Variants in CDH1 observed in about 807,000 individuals in gnomAD.
The protein encoded by CDH1 is cadherin 1, also known as cadherin-1.
A neutral mutation model predicts 84.5 loss-of-function variants in CDH1; 35 were observed. The ratio of observed to expected loss-of-function variants is 0.41; its 90% CI spans 0.32 to 0.55. The LOEUF is 0.55. CDH1 is among the 20% of genes least tolerant of loss of function. The pLI is 0.19. For missense variants in CDH1, 994 were observed against 1,126.6 expected (o/e 0.88, Z 1.68); for synonymous variants, 417 against 439.0 (o/e 0.95, Z 0.63).
At chr16:68,824,981 C>G (rs1307316088) in intron 13 of CDH1, among the ~76,000 whole-genome samples, 1 of 152,072 alleles carries the variant, frequency 6.6e-6, no homozygotes, top group East Asian at 1.9e-4. Flanking sequence ...AAACCTTTGA[C>G]CTGGTATGGT....
chr16:68,745,533 CAAA>C (rs67825283), intron 2 of CDH1, among the ~76,000 whole-genome samples: 26 of 40,426 alleles, frequency 6.4e-4, no homozygotes, highest in African/African-American at 1.3e-3. Context: ...GATCCTGTCT[CAAA>C]AAAAAAAAAA....
rs757461540 is a variant in CDH1, at chr16:68,812,103, G to A, written c.1009-32G>A. ...AGGCCAAAGGTGGCTAGTGTTCCTG[G>A]TCCTGACTTGGTTGTGTCGATCTCT... is the stretch of plus-strand genomic sequence containing the variant. On this transcript the variant is annotated intron_variant, in intron 7 of 15. Transcript: ENST00000261769. 5.6e-6 allele frequency: 9 copies of A among 1,613,906 alleles called. No individual in the cohort carries two copies. The Admixed American group carries it at 8.3e-5, about 15-fold the overall frequency.
intron 2 of CDH1, among the ~76,000 whole-genome samples, chr16:68,763,959 A>T (rs995421196): frequency 6.6e-6 from 1 of 152,180 alleles, no homozygotes; most frequent in Non-Finnish European, 1.5e-5. Context: ...GCAGGTTTCC[A>T]AACCTGGGCC....
rs1961561638 is a variant in CDH1, at chr16:68,833,784, C to A, written c.*285C>A. 1 of 464,558 alleles carries A rather than the reference C, an allele frequency of 2.2e-6. No homozygotes were observed. Among genetic ancestry groups the A allele is most frequent in the Non-Finnish European group, 3.9e-6 (1 of 254,764 alleles). The allele number at this position is 464,558 out of a possible 1,614,324, so 28.8% of individuals were successfully genotyped here. On this transcript the variant is annotated 3_prime_UTR_variant, in exon 16 of 16. Transcript: ENST00000261769. ...CCCAAATTTTAATATTCCAGAAGAA[C>A]AACTTTAGCATCAGAAGGTTCACCC...
At chr16:68,780,836 G>A (rs1044435704) in intron 2 of CDH1, among the ~76,000 whole-genome samples, 1 of 152,210 alleles carries the variant, frequency 6.6e-6, no homozygotes, top group African/African-American at 2.4e-5. Flanking sequence ...GTCAGAAGTA[G>A]CTGAGGCCTC....
chr16:68,738,359 C>T lies in CDH1; in HGVS notation c.111C>T (p.Tyr37=), dbSNP rs876660002. The stretch of plus-strand genomic sequence containing the variant: ...ACCCTGGCTTTGACGCCGAGAGCTA[C>T]ACGTTCACGGTGCCCCGGCGCCACC... The part of the protein sequence containing the change: ...PCHPGFDAES[Y]TFTVPRRHLE... Residue 37 remains tyrosine, a synonymous_variant, in exon 2 of 16, where the codon TAC becomes TAT. Transcript: ENST00000261769. 6.4e-7 allele frequency: 1 copy of T among 1,551,142 alleles called. No homozygotes were observed. The highest frequency in any genetic ancestry group is 8.7e-7 in the Non-Finnish European group (1 of 1,146,790).
intron 2 of CDH1, among the ~76,000 whole-genome samples, chr16:68,796,473 G>A (rs553059734): frequency 2.0e-5 from 3 of 152,294 alleles, no homozygotes; most frequent in Non-Finnish European, 2.9e-5. Context: ...CCAGGCGGGC[G>A]TGGGAGAAGA....
At chr16:68,789,802 G>A (rs963365639) in intron 2 of CDH1, among the ~76,000 whole-genome samples, 3 of 152,188 alleles carry the variant, frequency 2.0e-5, no homozygotes, top group Non-Finnish European at 4.4e-5. Context: ...GCTCATGCCT[G>A]TAATCCCAGC....
chr16:68,813,181 C>A, intron 8 of CDH1, 132 bp from the exon 9 acceptor site: 2 of 921,746 alleles, frequency 2.2e-6, no homozygotes, highest in Non-Finnish European at 3.5e-6. Context: ...CGCTCAAATA[C>A]ACTCCAGCCT....
At chr16:68,831,516 C>G (rs966803326) in intron 15 of CDH1, among the ~76,000 whole-genome samples, 57 of 149,036 alleles carry the variant, frequency 3.8e-4, no homozygotes, top group African/African-American at 1.3e-3. Flanking sequence ...TTTAACCATG[C>G]CTTTTATTTA....
chr16:68,759,215 A>C (rs1597855356), intron 2 of CDH1, among the ~76,000 whole-genome samples: 1 of 151,922 alleles, frequency 6.6e-6, no homozygotes, highest in Middle Eastern at 3.4e-3. Flanking sequence ...TGGTGGGATT[A>C]CAGGGGGCAC....
At chr16:68,750,332 T>C (rs1962857165) in intron 2 of CDH1, among the ~76,000 whole-genome samples, 1 of 151,692 alleles carries the variant, frequency 6.6e-6, no homozygotes, top group African/African-American at 2.4e-5. Flanking sequence ...GACTTGGGAG[T>C]GTAGGGACAG....
intron 2 of CDH1, among the ~76,000 whole-genome samples, chr16:68,767,441 A>G (rs1383660612): frequency 2.0e-5 from 3 of 151,544 alleles, no homozygotes; most frequent in Admixed American, 6.6e-5. Context: ...CAGGTAATTC[A>G]CCCACCTCAG....
intron 11 of CDH1, among the ~76,000 whole-genome samples, chr16:68,821,779 A>T (rs1318918255): frequency 6.6e-6 from 1 of 152,188 alleles, no homozygotes; most frequent in Non-Finnish European, 1.5e-5. Context: ...AATAATTGTT[A>T]TCAAGGTGGG....
At chr16:68,754,778 G>A (rs1354637547) in intron 2 of CDH1, among the ~76,000 whole-genome samples, 1 of 152,214 alleles carries the variant, frequency 6.6e-6, no homozygotes, top group Non-Finnish European at 1.5e-5. Flanking sequence ...CATTGGGGAT[G>A]CAGCGGGGCC....
chr16:68,750,363 T>G (rs1463201561), intron 2 of CDH1, among the ~76,000 whole-genome samples: 1 of 151,800 alleles, frequency 6.6e-6, no homozygotes, highest in Non-Finnish European at 1.5e-5. Context: ...TTAAAGAAAC[T>G]CTTGTTCCAA....
intron 2 of CDH1, among the ~76,000 whole-genome samples, chr16:68,738,936 CTTTTTTTTT>C (rs1555509828): frequency 0.016 from 183 of 11,438 alleles, 9 homozygotes; most frequent in African/African-American, 0.037. Flanking sequence ...GATATAAAAG[CTTTTTTTTT>C]TTTTTTTTTT....
intron 12 of CDH1, chr16:68,823,062 C>T: frequency 3.3e-6 from 1 of 299,718 alleles, no homozygotes; most frequent in Middle Eastern, 1.2e-3. Flanking sequence ...GGCCTCCAGG[C>T]CGGGCTGGGC....
Position 68,813,381 on chromosome 16 carries a change from T to C in CDH1, c.1206T>C (p.Asp402=). ...CCACACTGAAAGTGACTGATGCTGA[T>C]GCCCCCAATACCCCAGCGTGGGAGG... ...VITTLKVTDA[D]APNTPAWEAV... Residue 402 remains aspartate (D), a synonymous_variant, in exon 9 of 16, where the codon GAT becomes GAC. Coordinates refer to ENST00000261769, the MANE Select transcript of CDH1 (RefSeq NM_004360.5). 1.2e-6 allele frequency: 2 copies of C among 1,614,164 alleles called. No individual in the cohort carries two copies. The highest frequency in any genetic ancestry group is 1.7e-6 in the Non-Finnish European group (2 of 1,180,028).
Sources: allele counts gnomAD v4.1 joint callset (sites outside exome capture counted in the v4.1 genomes callset), GRCh38; gene constraint gnomAD v4.1.1; transcripts MANE v1.5; gene names NCBI Gene and HGNC (gene_info 2026-07-23, HGNC 2026-07-21).